The following ADGRL2 variants were observed in gnomAD, a reference collection of about 807,000 sequenced individuals.
The protein encoded by ADGRL2 is calcium-independent alpha-latrotoxin receptor 2.
ADGRL2 carries 44 observed loss-of-function variants against 157.4 expected under a neutral mutation model. The observed-to-expected ratio is 0.28, with a 90% CI of 0.22 to 0.36. ADGRL2 has a LOEUF of 0.36. Ranked by LOEUF, ADGRL2 falls within the 10% of genes least tolerant of loss-of-function variation. ADGRL2 has a pLI of 1.00. For missense variants in ADGRL2, 1,510 were observed against 1,768.9 expected, an observed-to-expected ratio of 0.85 and a Z score of 2.63; for synonymous variants, 585 against 624.7, an observed-to-expected ratio of 0.94 and a Z score of 0.95.
At chr1:81,445,546 T>C (rs1296025433) in intron 2 of ADGRL2, among the ~76,000 whole-genome samples, 1 of 152,182 alleles carries the variant, frequency 6.6e-6, no homozygotes, top group Non-Finnish European at 1.5e-5. Flanking sequence ...TGAGGAAGTG[T>C]GGGCTGAAGG....
intron 2 of ADGRL2, among the ~76,000 whole-genome samples, chr1:81,514,356 T>C (rs1260121369): frequency 1.3e-5 from 2 of 152,128 alleles, no homozygotes; most frequent in African/African-American, 4.8e-5. Flanking sequence ...TTAGATTGCA[T>C]AGTTCGAATG....
At chr1:81,914,290 A>C (rs576099632) in intron 3 of ADGRL2, among the ~76,000 whole-genome samples, 2 of 152,250 alleles carry the variant, frequency 1.3e-5, no homozygotes, top group African/African-American at 4.8e-5. Flanking sequence ...TATAGGTTAC[A>C]ATAAACTGTA....
intron 2 of ADGRL2, among the ~76,000 whole-genome samples, chr1:81,504,428 T>G (rs2078923982): frequency 6.6e-6 from 1 of 152,236 alleles, no homozygotes; most frequent in Admixed American, 6.5e-5. Flanking sequence ...TAATTGTTGA[T>G]GTTTGAGTCT....
At chr1:81,948,430 A>T (rs753716003) in intron 6 of ADGRL2, among the ~76,000 whole-genome samples, 1 of 152,160 alleles carries the variant, frequency 6.6e-6, no homozygotes, top group Non-Finnish European at 1.5e-5. Context: ...CAGTGATTAA[A>T]TATGTGCTAG....
chr1:81,760,356 T>A (rs546123283), intron 1 of ADGRL2, among the ~76,000 whole-genome samples: 1 of 152,162 alleles, frequency 6.6e-6, no homozygotes, highest in Non-Finnish European at 1.5e-5. Flanking sequence ...TAATTAAATC[T>A]AACCCCTTTA....
intron 1 of ADGRL2, among the ~76,000 whole-genome samples, chr1:81,413,455 A>T (rs2076982621): frequency 6.6e-6 from 1 of 152,220 alleles, no homozygotes; most frequent in Non-Finnish European, 1.5e-5. Context: ...TCACTTAAAA[A>T]AAAAAGACAT....
chr1:81,839,688 G>A (rs932801119), intron 2 of ADGRL2, among the ~76,000 whole-genome samples: 7 of 150,624 alleles, frequency 4.6e-5, no homozygotes, highest in African/African-American at 1.7e-4. Flanking sequence ...GTCTCATCCA[G>A]GTCACTGCAA....
At chr1:81,432,246 G>C (rs528651087) in intron 1 of ADGRL2, among the ~76,000 whole-genome samples, 1 of 152,160 alleles carries the variant, frequency 6.6e-6, no homozygotes, top group Admixed American at 6.5e-5. Context: ...AGGCAGCATC[G>C]CTTTTCTGAC....
chr1:81,564,361 C>T (rs191618599), intron 2 of ADGRL2, among the ~76,000 whole-genome samples: 1 of 152,284 alleles, frequency 6.6e-6, no homozygotes, highest in African/African-American at 2.4e-5. Context: ...CAGGTGACCA[C>T]GAGGGTTGTA....
intron 3 of ADGRL2, among the ~76,000 whole-genome samples, chr1:81,662,731 A>G (rs904307238): frequency 4.0e-5 from 6 of 149,780 alleles, no homozygotes; most frequent in African/African-American, 1.5e-4. Flanking sequence ...ATTTTTTTGT[A>G]TTTTTAGTAG....
At chr1:81,899,814 T>A (rs901984684) in intron 2 of ADGRL2, among the ~76,000 whole-genome samples, 3 of 152,152 alleles carry the variant, frequency 2.0e-5, no homozygotes, top group African/African-American at 7.2e-5. Flanking sequence ...AGGATTTCTT[T>A]ATGTTGATTA....
At chr1:81,725,482 T>G (rs2084491440) in intron 1 of ADGRL2, among the ~76,000 whole-genome samples, 1 of 152,084 alleles carries the variant, frequency 6.6e-6, no homozygotes, top group African/African-American at 2.4e-5. Flanking sequence ...AAGGTTGCAG[T>G]GAGCTGAGAT....
intron 2 of ADGRL2, among the ~76,000 whole-genome samples, chr1:81,477,182 C>T (rs1249892579): frequency 6.6e-6 from 1 of 152,158 alleles, no homozygotes; most frequent in Non-Finnish European, 1.5e-5. Flanking sequence ...ATAGGCACAC[C>T]AGCCCTCCAA....
intron 13 of ADGRL2, among the ~76,000 whole-genome samples, chr1:81,967,760 A>G (rs1206616196): frequency 6.6e-6 from 1 of 152,220 alleles, no homozygotes; most frequent in Non-Finnish European, 1.5e-5. Flanking sequence ...TGTACCATCA[A>G]TTGTAAAATC....
At chr1:81,686,367 G>A (rs1324747371) in intron 3 of ADGRL2, among the ~76,000 whole-genome samples, 1 of 152,104 alleles carries the variant, frequency 6.6e-6, no homozygotes, top group Admixed American at 6.6e-5. Context: ...AGCTAGGAGG[G>A]TTGTATTTTT....
chr1:81,859,600 G>A (rs1010929184), intron 2 of ADGRL2, among the ~76,000 whole-genome samples: 1 of 151,668 alleles, frequency 6.6e-6, no homozygotes, highest in Non-Finnish European at 1.5e-5. Context: ...TAGACACAGG[G>A]TCTTGCCATG....
At chr1:81,395,850 G>A (rs182056376) in intron 1 of ADGRL2, among the ~76,000 whole-genome samples, 8 of 152,248 alleles carry the variant, frequency 5.3e-5, no homozygotes, top group South Asian at 2.1e-4. Context: ...TCAGTTAGCC[G>A]TAAATATGTG....
intron 1 of ADGRL2, among the ~76,000 whole-genome samples, chr1:81,346,184 A>G (rs1354910761): frequency 8.5e-5 from 13 of 152,178 alleles, no homozygotes. Flanking sequence ...CACTCACATG[A>G]GAATAAAATA....
At chr1:81,968,995 T>C (rs1657942761) in intron 14 of ADGRL2, among the ~76,000 whole-genome samples, 183 bp from the exon 15 acceptor site, 1 of 152,194 alleles carries the variant, frequency 6.6e-6, no homozygotes, top group Admixed American at 6.5e-5. Context: ...TAAAAGACAA[T>C]AATATTGAAC....
Sources: allele counts gnomAD v4.1 joint callset (sites outside exome capture counted in the v4.1 genomes callset), GRCh38; gene constraint gnomAD v4.1.1; transcripts MANE v1.5; gene names NCBI Gene and HGNC (gene_info 2026-07-23, HGNC 2026-07-21).